KAZN: variants seen among roughly 807,000 people sequenced by gnomAD.
KAZN encodes kazrin, periplakin interacting protein, also known as kazrin.
In KAZN, 40 loss-of-function variants were observed where a neutral mutation model predicts 87.4. That is an observed-to-expected ratio of 0.46 (90% CI 0.36 to 0.60). The LOEUF is 0.60. KAZN is among the 20% of genes least tolerant of loss of function. The pLI, the probability that KAZN is intolerant of heterozygous loss-of-function variation, is 0.00. For synonymous variants in KAZN, 466 were observed against 458.3 expected (o/e 1.02, Z -0.22); for missense variants, 898 against 1,073.9 (o/e 0.84, Z 2.29).
chr1:15,094,881 C>G lies in KAZN; in HGVS notation c.1495C>G (p.Arg499Gly). 1 of 1,550,576 alleles carries G rather than the reference C, an allele frequency of 6.4e-7. No homozygotes were observed. The highest frequency in any genetic ancestry group is 8.7e-7 in the Non-Finnish European group (1 of 1,146,786). Residue 499 changes from arginine to glycine, a missense_variant, in exon 10 of 15, where the codon CGC becomes GGC. Coordinates refer to ENST00000376030, the MANE Select transcript of KAZN (RefSeq NM_201628.3). This position sits in a 1 kb window ranked among gnomAD's most constrained non-coding sequence, Gnocchi z 4.5. ...TGGGGTGTGCAGCTCCCTGCACCGG[C>G]GCAAGCTGCGCCTGGCCATCGAGGA... ...GLGVCSSLHRRKLRLAIEDYR... is the reference protein window; with the variant it reads ...GLGVCSSLHRGKLRLAIEDYR...
chr1:15,034,864 C>G lies in KAZN; in HGVS notation c.534C>G (p.Arg178=). ...AGGAGCAGCTCCGAGACTTCATCCG[C>G]AACTATGAGCAGCACCGCAAGGTCA... is the stretch of plus-strand genomic sequence containing the variant. ...SREEQLRDFI[R]NYEQHRKESE... Residue 178 remains arginine, a synonymous_variant, in exon 3 of 15, where the codon CGC becomes CGG. Coordinates refer to ENST00000376030, the MANE Select transcript of KAZN (RefSeq NM_201628.3). The G allele has an allele frequency of 6.2e-7, 1 of 1,613,944 alleles. No individual in the cohort carries two copies. The highest frequency in any genetic ancestry group is 1.3e-5 in the African/African-American group (1 of 75,034).
chr1:15,071,071 T>C (rs1639483994), intron 8 of KAZN, among the ~76,000 whole-genome samples: 1 of 152,158 alleles, frequency 6.6e-6, no homozygotes. Flanking sequence ...TAAAAGAGTA[T>C]ATTCGTAATT....
intron 2 of KAZN, among the ~76,000 whole-genome samples, chr1:14,569,676 T>C (rs1371891641): frequency 6.6e-6 from 1 of 152,066 alleles, no homozygotes; most frequent in Non-Finnish European, 1.5e-5. Context: ...TCAACCAGTT[T>C]GGGAAAATTT....
In KAZN at chr1:14,292,299, G is replaced by T. The variant is rs528291902; in HGVS notation, c.249+111707G>T. ...ATCAGCTCAGCTGTTTTCTGTTCTG[G>T]CAGTATTCAGGGTAGAGAACACAGA... is the stretch of plus-strand genomic sequence containing the variant. On this transcript the variant is annotated intron_variant, in intron 2 of 16. Coordinates refer to the KAZN transcript ENST00000636203. 2.0e-5 allele frequency among the ~76,000 whole-genome samples: 3 copies of T among 152,310 alleles called. No homozygotes were observed. The South Asian group carries it at 6.2e-4, about 32-fold the overall frequency.
At chr1:14,865,873 T>C (rs937426553) in intron 1 of KAZN, among the ~76,000 whole-genome samples, 3 of 151,836 alleles carry the variant, frequency 2.0e-5, no homozygotes, top group African/African-American at 7.3e-5. Context: ...GAGGCAGAGA[T>C]TGGAGTGAGG....
At chr1:15,054,193 TTTG>T (rs1001803600) in intron 4 of KAZN, among the ~76,000 whole-genome samples, 7 of 151,938 alleles carry the variant, frequency 4.6e-5, no homozygotes, top group East Asian at 1.9e-4. Flanking sequence ...GATGGATTTT[TTTG>T]TTGTTGTTAA....
At chr1:14,478,274 A>AAGGAAGGAAGG (rs1553178148) in intron 2 of KAZN, among the ~76,000 whole-genome samples, 5,297 of 111,458 alleles carry the variant, frequency 0.048, 206 homozygotes, top group East Asian at 0.08. Flanking sequence ...AGGAAGGAAG[A>AAGGAAGGAAGG]AAGGAAGGAA....
chr1:15,067,570 A>C (rs1485588841), intron 8 of KAZN: 1 of 985,360 alleles, frequency 1.0e-6, no homozygotes, highest in African/African-American at 1.7e-5. Flanking sequence ...GCTTTCTGCT[A>C]ACGGTGACAT....
chr1:14,380,915 C>A (rs749747275), intron 2 of KAZN, among the ~76,000 whole-genome samples: 22 of 152,178 alleles, frequency 1.4e-4, no homozygotes, highest in Non-Finnish European at 2.9e-4. Context: ...AAGACTACAT[C>A]AAGGCATTTA....
At chr1:14,275,827 C>T (rs986616712) in intron 2 of KAZN, among the ~76,000 whole-genome samples, 1 of 152,138 alleles carries the variant, frequency 6.6e-6, no homozygotes, top group African/African-American at 2.4e-5. Context: ...GCCTTTTTTA[C>T]AACACAGTAA....
At chr1:14,704,374 C>T (rs1043154347) in intron 1 of KAZN, among the ~76,000 whole-genome samples, 5 of 152,218 alleles carry the variant, frequency 3.3e-5, no homozygotes, top group African/African-American at 7.2e-5. Flanking sequence ...CAAAATGAGC[C>T]AGGCCAATTT....
At chr1:14,955,099 G>A (rs1662926107) in intron 1 of KAZN, among the ~76,000 whole-genome samples, 1 of 152,174 alleles carries the variant, frequency 6.6e-6, no homozygotes, top group African/African-American at 2.4e-5. Context: ...CCCATGTTGT[G>A]AAGGCCCAGA....
intron 2 of KAZN, among the ~76,000 whole-genome samples, chr1:14,394,731 T>C (rs996670743): frequency 7.2e-5 from 11 of 152,230 alleles, no homozygotes; most frequent in Admixed American, 3.3e-4. Flanking sequence ...CAGTCCTTAC[T>C]ATATGTTGGG....
intron 13 of KAZN, among the ~76,000 whole-genome samples, chr1:15,111,401 G>A (rs975551291): frequency 3.9e-5 from 6 of 152,012 alleles, no homozygotes; most frequent in Non-Finnish European, 7.4e-5. Flanking sequence ...CTTAGCCTCC[G>A]AGTAACTGGG....
At chr1:14,727,455 T>C (rs28604563) in intron 1 of KAZN, among the ~76,000 whole-genome samples, 9,077 of 29,020 alleles carry the variant, frequency 0.31, 624 homozygotes, top group South Asian at 0.43. Context: ...ACTTTCTTTT[T>C]TTTTTTTTTT....
upstream of KAZN, among the ~76,000 whole-genome samples, chr1:14,596,582 C>T (rs1236862358): frequency 3.3e-5 from 5 of 152,234 alleles, no homozygotes; most frequent in Non-Finnish European, 7.3e-5. Context: ...TAACACCCGG[C>T]ACCTATTAAG....
At chr1:14,266,496 C>G (rs1057182049) in intron 2 of KAZN, among the ~76,000 whole-genome samples, 2 of 152,176 alleles carry the variant, frequency 1.3e-5, no homozygotes, top group African/African-American at 4.8e-5. Context: ...AAAAGCATCA[C>G]CAAACTTCTA....
At chr1:14,344,500 T>C (rs1212918737) in intron 2 of KAZN, among the ~76,000 whole-genome samples, 1 of 152,154 alleles carries the variant, frequency 6.6e-6, no homozygotes, top group East Asian at 1.9e-4. Context: ...GTTTAGGTGT[T>C]GGGGACATAG....
intron 1 of KAZN, among the ~76,000 whole-genome samples, chr1:14,137,421 C>T (rs1184695656): frequency 6.6e-6 from 1 of 152,182 alleles, no homozygotes; most frequent in Non-Finnish European, 1.5e-5. Context: ...CCAGAGATTT[C>T]AGGCTGGCTG....
Sources: allele counts gnomAD v4.1 joint callset (sites outside exome capture counted in the v4.1 genomes callset), GRCh38; gene constraint gnomAD v4.1.1; non-coding constraint Gnocchi (gnomAD v3.1); transcripts MANE v1.5; gene names NCBI Gene and HGNC (gene_info 2026-07-23, HGNC 2026-07-21).